The following WDPCP variants were observed in gnomAD, a reference collection of about 807,000 sequenced individuals.
The protein encoded by WDPCP is WD repeat-containing and planar cell polarity effector protein fritz homolog.
A neutral mutation model predicts 93.1 loss-of-function variants in WDPCP; 71 were observed. The ratio of observed to expected loss-of-function variants is 0.76; its 90% confidence interval spans 0.63 to 0.93. The LOEUF is 0.93. WDPCP is among the 40% of genes least tolerant of loss of function. The probability of loss-of-function intolerance (pLI) is 0.00; values close to 1 mark genes in which losing one functional copy is unlikely to be tolerated. For synonymous variants in WDPCP, 315 were observed against 315.0 expected, an observed-to-expected ratio of 1.00 and a Z score of 0.00; for missense variants, 844 against 887.4, an observed-to-expected ratio of 0.95 and a Z score of 0.62.
chr2:63,807,481 T>C (rs890242469), intron 2 of WDPCP, among the ~76,000 whole-genome samples: 23 of 152,232 alleles, frequency 1.5e-4, no homozygotes, highest in Admixed American at 1.5e-3. Context: ...AAGCAGATAC[T>C]GGCACCACGC....
chr2:63,674,572 T>C (rs1710381618), intron 2 of WDPCP, among the ~76,000 whole-genome samples: 1 of 152,158 alleles, frequency 6.6e-6, no homozygotes, highest in Non-Finnish European at 1.5e-5. Flanking sequence ...TGCTCTTCAA[T>C]ATGTATAAAG....
In WDPCP at chr2:63,315,931, C is replaced by CT. The variant is rs34452424; in HGVS notation, c.1749-2621dup. Among the ~76,000 whole-genome samples the CT allele has an allele frequency of 1.3e-3, 189 of 145,414 alleles. 2 individuals carry two copies. The South Asian group carries it at 0.026, about 20-fold the overall frequency. On this transcript the variant is annotated intron_variant, in intron 12 of 17. Transcript: ENST00000272321. ...GCATGTGCCACGTTCTGGGGTAATA[C>CT]TTTTTTTTTTTTGTAGAAATGAGGT...
chr2:63,587,736 G>A (rs1708963191), intron 1 of WDPCP, among the ~76,000 whole-genome samples: 1 of 152,230 alleles, frequency 6.6e-6, no homozygotes, highest in South Asian at 2.1e-4. Context: ...AGCTGAGACT[G>A]ACTGACTAAA....
At chr2:63,625,145 C>A (rs1709797111) in intron 3 of WDPCP, among the ~76,000 whole-genome samples, 1 of 152,206 alleles carries the variant, frequency 6.6e-6, no homozygotes, top group Non-Finnish European at 1.5e-5. Flanking sequence ...ATGCAAAAAA[C>A]TCTCAATAAT....
intron 1 of WDPCP, among the ~76,000 whole-genome samples, chr2:63,554,418 T>G (rs1415498929): frequency 6.6e-6 from 1 of 152,066 alleles, no homozygotes; most frequent in African/African-American, 2.4e-5. Flanking sequence ...TTAATAAATA[T>G]GTTGTACTTG....
At chr2:63,559,442 GAAATAA>G (rs1706407603) in intron 1 of WDPCP, among the ~76,000 whole-genome samples, 1 of 152,168 alleles carries the variant, frequency 6.6e-6, no homozygotes, top group African/African-American at 2.4e-5. Flanking sequence ...GCAAGAGAAA[GAAATAA>G]AGGGTATTCA....
intron 6 of WDPCP, among the ~76,000 whole-genome samples, chr2:63,449,153 G>T (rs545079200): frequency 1.3e-5 from 2 of 151,932 alleles, no homozygotes; most frequent in African/African-American, 4.8e-5. Flanking sequence ...TTAACAACTT[G>T]AATAAAAGTG....
Position 63,432,549 on chromosome 2 carries a change from T to C in WDPCP, c.825+1196A>G, listed in dbSNP as rs536489489. 1.4e-3 allele frequency among the ~76,000 whole-genome samples: 213 copies of C among 152,304 alleles called. 2 individuals carry two copies. The South Asian group carries it at 0.018, about 13-fold the overall frequency. ...ATTTCAAGTAGAAATACCATTAATG[T>C]GCACATGCAGAGGTAGGAAATAATG... On this transcript the variant is annotated intron_variant, in intron 9 of 17. Transcript: ENST00000272321.
chr2:63,214,250 C>A (rs192336350), intron 14 of WDPCP, among the ~76,000 whole-genome samples: 6 of 152,030 alleles, frequency 3.9e-5, no homozygotes, highest in Admixed American at 6.6e-5. Context: ...CGAATCCAGC[C>A]GCACATCAAA....
chr2:63,176,316 G>A (rs1446457801), intron 14 of WDPCP, among the ~76,000 whole-genome samples: 1 of 152,056 alleles, frequency 6.6e-6, no homozygotes, highest in African/African-American at 2.4e-5. Flanking sequence ...CACAATCATG[G>A]CTCACTAAAG....
At chr2:63,182,973 G>C (rs1351335964) in intron 14 of WDPCP, among the ~76,000 whole-genome samples, 1 of 151,476 alleles carries the variant, frequency 6.6e-6, no homozygotes, top group Non-Finnish European at 1.5e-5. Flanking sequence ...TTGTATTGTG[G>C]TATCAGTTCT....
intron 2 of WDPCP, among the ~76,000 whole-genome samples, chr2:63,672,921 T>C: frequency 6.6e-6 from 1 of 151,976 alleles, no homozygotes; most frequent in East Asian, 1.9e-4. Flanking sequence ...TTTAAAACTT[T>C]TTTTGTAGGT....
intron 9 of WDPCP, among the ~76,000 whole-genome samples, chr2:63,415,677 A>T (rs1410911851): frequency 1.3e-5 from 2 of 152,214 alleles, no homozygotes; most frequent in African/African-American, 4.8e-5. Flanking sequence ...ATAGGTAACT[A>T]ATAAGTTTAC....
At chr2:63,548,665 CT>C (rs112993940) in intron 1 of WDPCP, among the ~76,000 whole-genome samples, 157 of 144,402 alleles carry the variant, frequency 1.1e-3, no homozygotes, top group Non-Finnish European at 9.5e-4. Context: ...ATTTTCTTTC[CT>C]TTTTTTTTTT....
chr2:63,255,306 A>G (rs375231251), intron 14 of WDPCP, among the ~76,000 whole-genome samples: 11 of 152,312 alleles, frequency 7.2e-5, no homozygotes, highest in East Asian at 1.9e-4. Flanking sequence ...AGTAAAAAGC[A>G]TAAGAACTAG....
intron 2 of WDPCP, among the ~76,000 whole-genome samples, chr2:63,754,104 T>G (rs1048580113): frequency 2.6e-5 from 4 of 152,254 alleles, no homozygotes; most frequent in Non-Finnish European, 4.4e-5. Context: ...ACAGCAGAGT[T>G]GTCATCCCTG....
intron 9 of WDPCP, 51 bp from the exon 10 acceptor site, chr2:63,404,708 A>C (rs1575345129): frequency 1.2e-6 from 2 of 1,605,850 alleles, no homozygotes; most frequent in South Asian, 1.1e-5. Context: ...TTTTTCTTCA[A>C]CTTCACACCT....
intron 14 of WDPCP, among the ~76,000 whole-genome samples, chr2:63,176,082 C>T (rs566635302): frequency 2.6e-5 from 4 of 152,244 alleles, no homozygotes; most frequent in African/African-American, 4.8e-5. Context: ...AAATCCTTGA[C>T]AAACTTGTTA....
At chr2:63,553,872 A>T (rs1220279319) in intron 1 of WDPCP, among the ~76,000 whole-genome samples, 2 of 152,198 alleles carry the variant, frequency 1.3e-5, no homozygotes. Flanking sequence ...ACACAAACAC[A>T]CACAAATTTA....
Sources: gnomAD v4.1 joint callset for allele counts (sites outside exome capture counted in the v4.1 genomes callset) on GRCh38, gnomAD v4.1.1 for gene constraint, MANE v1.5 for transcripts, NCBI Gene and HGNC (gene_info 2026-07-23, HGNC 2026-07-21) for gene names.